FRMPD3: variants seen among roughly 807,000 people sequenced by gnomAD.
The protein encoded by FRMPD3 is FERM and PDZ domain-containing protein 3.
In FRMPD3, 42 loss-of-function variants were observed where a neutral mutation model predicts 97.9. The observed-to-expected ratio is 0.43, with a 90% confidence interval of 0.34 to 0.55. The LOEUF (loss-of-function observed/expected upper bound fraction) is 0.55, where lower values mean the gene tolerates loss of function less well. FRMPD3 is among the 20% of genes least tolerant of loss of function. The pLI, the probability that FRMPD3 is intolerant of heterozygous loss-of-function variation, is 0.03. For synonymous variants in FRMPD3, 577 were observed against 581.1 expected, an observed-to-expected ratio of 0.99 and a Z score of 0.10; for missense variants, 1,303 against 1,457.7, an observed-to-expected ratio of 0.89 and a Z score of 1.73.
chrX:107,600,547 G>C lies in FRMPD3; in HGVS notation c.2508G>C (p.Pro836=), dbSNP rs1451679884. The change falls in exon 15 of 15, where the codon CCG becomes CCC. Residue 836 remains proline (P), a synonymous_variant. Transcript: ENST00000683843. The part of the protein sequence containing the change: ...VLTAPYSLGR[P]DPNPSLQPIA... ...CGGCCCCTTACTCTCTTGGGCGCCC[G>C]GATCCCAACCCATCTCTCCAACCCA... 10 of 1,208,829 alleles carry C rather than the reference G, an allele frequency of 8.3e-6. No individual in the cohort carries two copies. Among genetic ancestry groups the C allele is most frequent in the Non-Finnish European group, 1.0e-5 (9 of 894,924 alleles).
At chrX:107,511,789 C>T (rs1393620791) in intron 1 of FRMPD3, among the ~76,000 whole-genome samples, 1 of 112,330 alleles carries the variant, frequency 8.9e-6, no homozygotes, top group Non-Finnish European at 1.9e-5. Flanking sequence ...TACAGTTCGG[C>T]CTTTGACAGG....
At chrX:107,581,595 AT>A (rs756943334) in intron 13 of FRMPD3, among the ~76,000 whole-genome samples, 2 of 110,007 alleles carry the variant, frequency 1.8e-5, no homozygotes, top group Non-Finnish European at 3.8e-5. Context: ...TCACAATCTA[AT>A]TTTAGAACAT....
chrX:107,583,369 G>A lies in FRMPD3; in HGVS notation c.1441+6910G>A, dbSNP rs184460629. 3.6e-3 allele frequency among the ~76,000 whole-genome samples: 395 copies of A among 111,204 alleles called. 4 individuals carry two copies. The highest frequency in any genetic ancestry group is 4.8e-3 in the Non-Finnish European group (256 of 53,064). ...TTTTCTGTTCCTCTGTTAGTTTGCTGAAGATGATGGCTTTCAGCTTCATCC... is the reference window on the plus strand; with the variant it reads ...TTTTCTGTTCCTCTGTTAGTTTGCTAAAGATGATGGCTTTCAGCTTCATCC... On this transcript the variant is annotated intron_variant, in intron 13 of 14. Coordinates refer to ENST00000683843, the MANE Select transcript of FRMPD3 (RefSeq NM_001388459.1).
At position 107,460,701 on chromosome X, in the gene FRMPD3, T is replaced by C. The variant is rs756805578; in HGVS notation, c.-8+10696T>C. 4.5e-5 allele frequency among the ~76,000 whole-genome samples: 5 copies of C among 111,166 alleles called. No individual in the cohort carries two copies. The South Asian group carries it at 2.0e-3, about 43-fold the overall frequency. ...GCTACCGTGTCCAGCCCCCAGAGGA[T>C]GTTTTAAATAAATTTGCCTCCAATC... On this transcript the variant is annotated intron_variant, in intron 1 of 14. Coordinates refer to ENST00000683843, the MANE Select transcript of FRMPD3 (RefSeq NM_001388459.1).
intron 1 of FRMPD3, among the ~76,000 whole-genome samples, chrX:107,507,027 G>A (rs1433942978): frequency 9.0e-6 from 1 of 110,714 alleles, no homozygotes; most frequent in Non-Finnish European, 1.9e-5. Flanking sequence ...ACTGCGCTCT[G>A]AGCAGCCGGG....
chrX:107,471,277 T>TTTCC lies in FRMPD3; in HGVS notation c.-8+21292_-8+21295dup, dbSNP rs1289039950. On this transcript the variant is annotated intron_variant, in intron 1 of 14. Coordinates refer to ENST00000683843, the MANE Select transcript of FRMPD3 (RefSeq NM_001388459.1). ...TTTCCCTTCCTTCCTTCCTTCCTTC[T>TTTCC]TTCCTTCCTTCCTTCCTTCCTTCTT... 2.1e-4 allele frequency among the ~76,000 whole-genome samples: 23 copies of TTTCC among 107,227 alleles called. 1 individual carries two copies. Among genetic ancestry groups the TTTCC allele is most frequent in the Admixed American group, 4.0e-4 (4 of 10,014 alleles). The allele number at this position is 107,227 out of a possible 115,157, so 93.1% of individuals were successfully genotyped here. A position where few individuals can be genotyped will look rare whatever the true frequency, so the allele number is the denominator to read the frequency against.
At chrX:107,525,813 CG>C (rs1192911138) in intron 1 of FRMPD3, among the ~76,000 whole-genome samples, 3 of 112,156 alleles carry the variant, frequency 2.7e-5, no homozygotes, top group Non-Finnish European at 5.6e-5. Context: ...TGGTGGCTCA[CG>C]CCTGTAATCC....
At chrX:107,483,838 C>T (rs1168828470) in intron 1 of FRMPD3, among the ~76,000 whole-genome samples, 7 of 111,685 alleles carry the variant, frequency 6.3e-5, no homozygotes, top group Admixed American at 3.8e-4. Flanking sequence ...CCCTCTCTTG[C>T]TCTCTGCCTG....
intron 13 of FRMPD3, among the ~76,000 whole-genome samples, chrX:107,581,720 C>T (rs1294164045): frequency 1.8e-5 from 2 of 111,593 alleles, no homozygotes; most frequent in African/African-American, 3.3e-5. Flanking sequence ...TATAGCTTTG[C>T]CTATGCTGGA....
chrX:107,514,683 G>A (rs1014928906), intron 1 of FRMPD3, among the ~76,000 whole-genome samples: 17 of 109,814 alleles, frequency 1.5e-4, no homozygotes, highest in East Asian at 5.7e-4. Context: ...GTGCCACCAC[G>A]CTCAGCTAAT....
In FRMPD3 at chrX:107,603,248, C is replaced by T. The variant is rs1174590675; in HGVS notation, c.5209C>T (p.Gln1737Ter). The T allele has an allele frequency of 9.1e-7, 1 of 1,100,108 alleles. No individual in the cohort carries two copies. The highest frequency in any genetic ancestry group is 1.8e-5 in the African/African-American group (1 of 54,650). 90.7% of individuals were successfully genotyped at this position (1,100,108 alleles called of 1,213,427 possible). ...QQQQQQQQQQ[Q>*]QQQQQQVAAA... is the part of the protein sequence containing the mutation. ...ACAACAACAGCAGCAGCAACAACAA[C>T]AGCAGCAGCAGCAGCAGCAGGTGGC... Residue 1737 changes from glutamine (Q) to a stop codon, truncating the protein, a stop_gained, in exon 15 of 15, where the codon CAG (glutamine) becomes TAG (stop). Transcript: ENST00000683843. LOFTEE classifies it high-confidence loss of function.
Position 107,597,695 on chromosome X carries a change from G to A in FRMPD3, c.1816G>A (p.Glu606Lys). 8.3e-7 allele frequency: 1 copy of A among 1,209,708 alleles called. No homozygotes were observed. The highest frequency in any genetic ancestry group is 1.1e-6 in the Non-Finnish European group (1 of 894,814). ...CACCTTGGACAATTCCCTTGGGGCT[G>A]AAGCCCTGAATTTCTACTGTGACTC... is the stretch of plus-strand genomic sequence containing the variant. ...SYTLDNSLGAEALNFYCDSCK... is the reference protein window; with the variant it reads ...SYTLDNSLGAKALNFYCDSCK... The change falls in exon 14 of 15, where the codon GAA becomes AAA. Residue 606 changes from glutamate to lysine, a missense_variant. Transcript: ENST00000683843.
intron 1 of FRMPD3, among the ~76,000 whole-genome samples, chrX:107,455,733 C>G (rs1602749040): frequency 9.0e-6 from 1 of 111,241 alleles, no homozygotes; most frequent in African/African-American, 3.3e-5. Context: ...TCGCATCTCC[C>G]CCTGCACATT....
intron 13 of FRMPD3, among the ~76,000 whole-genome samples, chrX:107,578,477 A>G (rs6622238): frequency 0.17 from 18,804 of 110,759 alleles, 3,409 homozygotes; most frequent in African/African-American, 0.54. Flanking sequence ...TGTGGCTTTA[A>G]AACACCCCAC....
intron 1 of FRMPD3, 88 bp from the exon 2 acceptor site, chrX:107,526,494 C>G: frequency 3.3e-6 from 3 of 912,829 alleles, no homozygotes; most frequent in Non-Finnish European, 4.5e-6. Context: ...GTGCCAGGGC[C>G]AGAACCCTAA....
At chrX:107,545,272 T>A (rs1921533591) in intron 4 of FRMPD3, 1 of 112,176 alleles carries the variant, frequency 8.9e-6, no homozygotes, top group Non-Finnish European at 1.9e-5. Context: ...TTCTCCCACA[T>A]CTAAAATAGT....
intron 2 of FRMPD3, among the ~76,000 whole-genome samples, chrX:107,526,983 C>T (rs201519826): frequency 1.8e-5 from 2 of 111,406 alleles, no homozygotes; most frequent in East Asian, 5.6e-4. Context: ...GTGTCTGGGT[C>T]TTAATAAAGC....
intron 1 of FRMPD3, 74 bp from the exon 2 acceptor site, chrX:107,526,508 G>A: frequency 2.0e-6 from 2 of 986,228 alleles, no homozygotes; most frequent in Non-Finnish European, 2.7e-6. Flanking sequence ...ACCCTAACTG[G>A]CATCTCTCCC....
At chrX:107,474,708 G>T (rs1240557518) in intron 1 of FRMPD3, among the ~76,000 whole-genome samples, 1 of 111,471 alleles carries the variant, frequency 9.0e-6, no homozygotes, top group Non-Finnish European at 1.9e-5. Context: ...GATTAATGGG[G>T]GAAGGCTGAT....
Sources: gnomAD v4.1 joint callset for allele counts (sites outside exome capture counted in the v4.1 genomes callset) on GRCh38, gnomAD v4.1.1 for gene constraint, MANE v1.5 for transcripts, NCBI Gene and HGNC (gene_info 2026-07-23, HGNC 2026-07-21) for gene names.